Variants in PARG observed in about 807,000 individuals in gnomAD.
The protein encoded by PARG is poly(ADP-ribose) glycohydrolase.
A neutral mutation model predicts 113.0 loss-of-function variants in PARG; 35 were observed. The observed-to-expected ratio is 0.31, with a 90% CI of 0.24 to 0.41. The LOEUF (loss-of-function observed/expected upper bound fraction) is 0.41. Ranked by LOEUF, PARG falls within the 10% of genes least tolerant of loss-of-function variation. The probability of loss-of-function intolerance (pLI) is 1.00; values close to 1 mark genes in which losing one functional copy is unlikely to be tolerated. For synonymous variants in PARG, 330 were observed against 409.9 expected, an observed-to-expected ratio of 0.81 and a Z score of 2.36; for missense variants, 797 against 1,169.4, an observed-to-expected ratio of 0.68 and a Z score of 4.64.
At chr10:49,920,471 T>G (rs1188988424) in intron 6 of PARG, among the ~76,000 whole-genome samples, 1 of 73,308 alleles carries the variant, frequency 1.4e-5, no homozygotes, top group African/African-American at 5.3e-5. Flanking sequence ...AAAATATATA[T>G]ATATATATAT....
Position 49,940,689 on chromosome 10 carries a change from G to A in PARG, c.217+820C>T, listed in dbSNP as rs1346786619. On this transcript the variant is annotated intron_variant, in intron 1 of 17. Transcript: ENST00000616448. ...TTACAGTTGCCCGCCACCACGCTAG[G>A]CTAATTTTTTGTATTTTTAGCAGAG... is the stretch of plus-strand genomic sequence containing the variant. Among the ~76,000 whole-genome samples the A allele has an allele frequency of 1.3e-4, 20 of 152,176 alleles. No individual in the cohort carries two copies. In the East Asian group the frequency reaches 3.7e-3, roughly 28 times the overall value.
intron 13 of PARG, among the ~76,000 whole-genome samples, chr10:49,848,994 G>C (rs1588894672): frequency 6.6e-6 from 1 of 151,878 alleles, no homozygotes; most frequent in South Asian, 2.1e-4. Context: ...TCGGGAGTTC[G>C]CGAGCAGCCT....
chr10:49,861,971 G>T (rs1368451910), intron 11 of PARG, among the ~76,000 whole-genome samples: 1 of 151,880 alleles, frequency 6.6e-6, no homozygotes, highest in Non-Finnish European at 1.5e-5. Flanking sequence ...TAAGATCTAT[G>T]AAATTTTGTT....
At chr10:49,832,941 G>C in intron 15 of PARG, 33 bp from the exon 16 acceptor site, 1 of 1,119,006 alleles carries the variant, frequency 8.9e-7, no homozygotes, top group Non-Finnish European at 1.3e-6. Flanking sequence ...AAGCCTGTGA[G>C]TGCCTAGACA....
At position 49,827,424 on chromosome 10, in the gene PARG, A is replaced by G. The variant is rs111561918; in HGVS notation, c.2647+5379T>C. 3.8e-3 allele frequency among the ~76,000 whole-genome samples: 585 copies of G among 152,340 alleles called. 7 individuals carry two copies. The highest frequency in any genetic ancestry group is 0.014 in the African/African-American group (565 of 41,586). On this transcript the variant is annotated intron_variant, in intron 16 of 17. Transcript: ENST00000616448. ...TACTTGTTTACAGGTCAGGTAACAT[A>G]TACGGGGAAGTCCAAGGGAGAGAAT... is the stretch of plus-strand genomic sequence containing the variant.
chr10:49,928,467 C>T lies in PARG; in HGVS notation c.1455+3633G>A, dbSNP rs1485203829. On this transcript the variant is annotated intron_variant, in intron 4 of 17. Coordinates refer to ENST00000616448, the MANE Select transcript of PARG (RefSeq NM_003631.5). Reference sequence around the variant, plus strand: ...GTGTGTGGCTCTGTGTTTGCATGCACGCACGTATGCATGTGTTTGTTGGAA... The same window carrying T: ...GTGTGTGGCTCTGTGTTTGCATGCATGCACGTATGCATGTGTTTGTTGGAA... 1.8e-4 allele frequency among the ~76,000 whole-genome samples: 27 copies of T among 152,068 alleles called. 1 individual carries two copies. Among genetic ancestry groups the T allele is most frequent in the Admixed American group, 1.3e-3 (20 of 15,268 alleles).
chr10:49,910,983 T>G (rs540131301), intron 7 of PARG, among the ~76,000 whole-genome samples: 1 of 151,984 alleles, frequency 6.6e-6, no homozygotes, highest in Non-Finnish European at 1.5e-5. Context: ...CCACAGGTGT[T>G]GTAAAAGAGG....
At chr10:49,905,680 C>T (rs1441848378) in intron 7 of PARG, among the ~76,000 whole-genome samples, 3 of 152,128 alleles carry the variant, frequency 2.0e-5, no homozygotes, top group South Asian at 2.1e-4. Context: ...CCTTTACTTA[C>T]GAAGTGTTAA....
chr10:49,937,632 C>A (rs1446771209), intron 1 of PARG, among the ~76,000 whole-genome samples: 1 of 152,178 alleles, frequency 6.6e-6, no homozygotes, highest in Admixed American at 6.5e-5. Flanking sequence ...GAAGCACGTA[C>A]TCCTGTGATA....
At chr10:49,908,591 C>T (rs1262483854) in intron 7 of PARG, 1 of 152,118 alleles carries the variant, frequency 6.6e-6, no homozygotes, top group African/African-American at 2.4e-5. Flanking sequence ...TTTAAGGCTG[C>T]TTTCATTTGA....
chr10:49,890,741 C>T (rs1847733760), intron 7 of PARG, among the ~76,000 whole-genome samples: 1 of 152,114 alleles, frequency 6.6e-6, no homozygotes, highest in South Asian at 2.1e-4. Context: ...TAAATATCTA[C>T]AAACATCCAA....
At chr10:49,885,984 T>C (rs1847458036) in intron 7 of PARG, among the ~76,000 whole-genome samples, 2 of 152,208 alleles carry the variant, frequency 1.3e-5, no homozygotes, top group East Asian at 1.9e-4. Flanking sequence ...AGGGTATTTC[T>C]TTAAAAGTAC....
intron 15 of PARG, among the ~76,000 whole-genome samples, chr10:49,841,671 T>C (rs140101766): frequency 1.4e-4 from 21 of 152,352 alleles, no homozygotes; most frequent in African/African-American, 5.1e-4. Context: ...TGGTTTTACA[T>C]TGATAATGTC....
In PARG at chr10:49,941,268, G is replaced by C. The variant is rs1486004755; in HGVS notation, c.217+241C>G. 2.0e-4 allele frequency among the ~76,000 whole-genome samples: 30 copies of C among 152,240 alleles called. No individual in the cohort carries two copies. The South Asian group carries it at 5.8e-3, about 29-fold the overall frequency. ...AAACCTGAAGAAGCAAACAGGTGGT[G>C]GAGTCTCCTGCCATTTTCCGCCCTG... On this transcript the variant is annotated intron_variant, in intron 1 of 17. Coordinates refer to ENST00000616448, the MANE Select transcript of PARG (RefSeq NM_003631.5).
At chr10:49,937,303 C>T (rs1288606291) in intron 1 of PARG, among the ~76,000 whole-genome samples, 4 of 152,148 alleles carry the variant, frequency 2.6e-5, no homozygotes, top group Admixed American at 2.6e-4. Flanking sequence ...GGTGAAACCC[C>T]GTCTCTACTA....
intron 15 of PARG, among the ~76,000 whole-genome samples, chr10:49,841,136 TCA>T (rs1278378789): frequency 3.3e-5 from 5 of 151,788 alleles, no homozygotes; most frequent in African/African-American, 1.2e-4. Flanking sequence ...GCTTGTAATC[TCA>T]GTTACTTGGG....
intron 7 of PARG, among the ~76,000 whole-genome samples, chr10:49,895,765 T>C (rs1405012720): frequency 3.9e-5 from 6 of 152,158 alleles, no homozygotes; most frequent in Admixed American, 2.6e-4. Flanking sequence ...AGATATTCTT[T>C]TATTCAGGTT....
At position 49,941,959 on chromosome 10, in the gene PARG, C is replaced by G. The variant is rs1395502163; in HGVS notation, c.-234G>C. 19 of 935,568 alleles carry G rather than the reference C, an allele frequency of 2.0e-5. No homozygotes were observed. The highest frequency in any genetic ancestry group is 3.2e-5 in the Non-Finnish European group (19 of 594,982). The allele number at this position is 935,568 out of a possible 1,614,324, so 58.0% of individuals were successfully genotyped here. The stretch of plus-strand genomic sequence containing the variant: ...CCTGCCTCAATGCGCCGCTTTGATT[C>G]GGGATTCGTTCACTTTCCCACCACC... On this transcript the variant is annotated 5_prime_UTR_variant, in exon 1 of 18. Coordinates refer to ENST00000616448, the MANE Select transcript of PARG (RefSeq NM_003631.5).
At chr10:49,857,035 T>C (rs1436943717) in intron 13 of PARG, among the ~76,000 whole-genome samples, 2 of 132,318 alleles carry the variant, frequency 1.5e-5, no homozygotes, top group East Asian at 2.1e-4. Flanking sequence ...AAAAAAAAAA[T>C]TCAAACTGTG....
Sources: allele counts gnomAD v4.1 joint callset (sites outside exome capture counted in the v4.1 genomes callset), GRCh38; gene constraint gnomAD v4.1.1; transcripts MANE v1.5; gene names NCBI Gene and HGNC (gene_info 2026-07-23, HGNC 2026-07-21).